Variants in NAV1 observed in about 807,000 individuals in gnomAD.
The protein encoded by NAV1 is pore membrane and/or filament interacting like protein 3.
Under a neutral mutation model 175.2 loss-of-function variants are expected in NAV1, and 18 were observed. The ratio of observed to expected loss-of-function variants is 0.10; its 90% CI spans 0.07 to 0.15. NAV1 has a LOEUF of 0.15. Ranked by LOEUF, NAV1 falls within the 10% of genes least tolerant of loss-of-function variation. The pLI, the probability that NAV1 is intolerant of heterozygous loss-of-function variation, is 1.00. For missense variants in NAV1, 1,731 were observed against 2,436.6 expected (o/e 0.71, Z 6.10); for synonymous variants, 897 against 978.7 (o/e 0.92, Z 1.56).
intron 1 of NAV1, among the ~76,000 whole-genome samples, chr1:201,701,009 CAAA>C (rs386369321): frequency 9.5e-5 from 5 of 52,764 alleles, no homozygotes; most frequent in African/African-American, 1.8e-4. Flanking sequence ...GACTCTGTCT[CAAA>C]AAAAAAAAAA....
At chr1:201,752,141 C>A (rs563061979) in intron 3 of NAV1, among the ~76,000 whole-genome samples, 1 of 152,254 alleles carries the variant, frequency 6.6e-6, no homozygotes, top group East Asian at 1.9e-4. Context: ...CAAGAGTAAG[C>A]AGTCCATGAA....
At chr1:201,764,569 TG>T (rs1334956374) in intron 3 of NAV1, among the ~76,000 whole-genome samples, 1 of 152,170 alleles carries the variant, frequency 6.6e-6, no homozygotes, top group African/African-American at 2.4e-5. Flanking sequence ...ATACAGTCAC[TG>T]GGAGTTACAG....
chr1:201,578,580 T>C (rs1181530964), intron 1 of NAV1, among the ~76,000 whole-genome samples: 2 of 152,122 alleles, frequency 1.3e-5, no homozygotes, highest in Admixed American at 1.3e-4. Context: ...TGATAATGAA[T>C]GGCCTCATTA....
At chr1:201,676,309 G>A (rs1420408964) in intron 1 of NAV1, among the ~76,000 whole-genome samples, 1 of 152,204 alleles carries the variant, frequency 6.6e-6, no homozygotes, top group Non-Finnish European at 1.5e-5. Context: ...CTTCCTGAAA[G>A]CTGCACTTAT....
At position 201,750,224 on chromosome 1, in the gene NAV1, A is replaced by G. The variant is rs751870794; in HGVS notation, c.1227-30197A>G. Among the ~76,000 whole-genome samples, 5 of 152,322 alleles carry G rather than the reference A, an allele frequency of 3.3e-5. No individual in the cohort carries two copies. Among genetic ancestry groups the G allele is most frequent in the Admixed American group, 3.3e-4 (5 of 15,302 alleles). On this transcript the variant is annotated intron_variant, in intron 3 of 29. Coordinates refer to ENST00000367296, the Ensembl canonical transcript of NAV1. The surrounding 1 kb of genome is among the most constrained non-coding windows in gnomAD (Gnocchi z 4.1). Reference sequence around the variant, plus strand: ...AGACCTACCGCTGCAAGGATTTTACATGTAATGAGTGCCTAAGGAAGGTAT... The same window carrying G: ...AGACCTACCGCTGCAAGGATTTTACGTGTAATGAGTGCCTAAGGAAGGTAT...
intron 3 of NAV1, among the ~76,000 whole-genome samples, chr1:201,725,528 A>G (rs1386287482): frequency 6.6e-6 from 1 of 152,136 alleles, no homozygotes; most frequent in Non-Finnish European, 1.5e-5. Flanking sequence ...GATAGTCTCA[A>G]CTACCTGGGA....
intron 1 of NAV1, among the ~76,000 whole-genome samples, chr1:201,658,846 G>C (rs991404467): frequency 6.6e-6 from 1 of 152,220 alleles, no homozygotes; most frequent in Non-Finnish European, 1.5e-5. Flanking sequence ...GATGGATGGA[G>C]GGAGAGGACT....
intron 15 of NAV1, among the ~76,000 whole-genome samples, chr1:201,800,439 G>A (rs1677778070): frequency 6.6e-6 from 1 of 152,216 alleles, no homozygotes; most frequent in Admixed American, 6.5e-5. Context: ...CACTCTGTTT[G>A]TAAATAAAGT....
chr1:201,783,574 C>T, exon 7 of NAV1: 1 of 1,614,134 alleles, frequency 6.2e-7, no homozygotes, highest in Non-Finnish European at 8.5e-7. Context: ...CCTGCTTCAC[C>T]CCCAGTCCGG....
At chr1:201,593,288 A>G (rs1032294055) in intron 2 of NAV1, among the ~76,000 whole-genome samples, 7 of 152,174 alleles carry the variant, frequency 4.6e-5, no homozygotes, top group African/African-American at 1.4e-4. Context: ...CCTGTCAGCA[A>G]GTGGGGCTAC....
At chr1:201,579,573 C>G (rs548685845) in intron 1 of NAV1, among the ~76,000 whole-genome samples, 123 of 152,296 alleles carry the variant, frequency 8.1e-4, no homozygotes, top group African/African-American at 2.9e-3. Flanking sequence ...CCAGGCTGGT[C>G]TTGAGCTCCT....
chr1:201,818,452 C>T (rs1410266417), intron 29 of NAV1, among the ~76,000 whole-genome samples: 2 of 150,594 alleles, frequency 1.3e-5, no homozygotes, highest in African/African-American at 2.5e-5. Flanking sequence ...CACTTGGACC[C>T]GGGAGGTGGA....
chr1:201,684,755 G>A (rs1177003037), intron 1 of NAV1, among the ~76,000 whole-genome samples: 8 of 151,882 alleles, frequency 5.3e-5, no homozygotes, highest in Admixed American at 3.3e-4. Context: ...GATTACAGGC[G>A]TGAGCCACTG....
At chr1:201,634,434 C>T (rs746045361) in intron 2 of NAV1, among the ~76,000 whole-genome samples, 7 of 152,252 alleles carry the variant, frequency 4.6e-5, no homozygotes, top group South Asian at 4.2e-4. Flanking sequence ...CTTAACCATA[C>T]GTTCTATGAC....
At position 201,568,279 on chromosome 1, in the gene NAV1, C is replaced by G. The variant is rs115321988; in HGVS notation, c.-143-20260C>G. On this transcript the variant is annotated intron_variant, in intron 1 of 33. Coordinates refer to the NAV1 transcript ENST00000685211. ...TCTTCTTGTCCCTAGCTGGCAGTTTCCTGTGGGTAGATCTGGGTTGCCAAT... is the reference window on the plus strand; with the variant it reads ...TCTTCTTGTCCCTAGCTGGCAGTTTGCTGTGGGTAGATCTGGGTTGCCAAT... 3.7e-3 allele frequency among the ~76,000 whole-genome samples: 564 copies of G among 152,286 alleles called. 1 individual carries two copies. Among genetic ancestry groups the G allele is most frequent in the Admixed American group, 6.1e-3 (94 of 15,294 alleles).
At position 201,794,188 on chromosome 1, in the gene NAV1, G is replaced by C. The variant is rs541750800; in HGVS notation, c.3406-278G>C. ...TTTTTTGAGATGGAGTTTCGTTCTT[G>C]TCACCCAGGCTGGAGTGCACTGGCG... On this transcript the variant is annotated intron_variant, in intron 14 of 29. Coordinates refer to ENST00000367296, the Ensembl canonical transcript of NAV1. 2.0e-5 allele frequency: 13 copies of C among 639,694 alleles called. No individual in the cohort carries two copies. In the African/African-American group the frequency reaches 2.3e-4, roughly 11 times the overall value. 39.6% of individuals were successfully genotyped at this position (639,694 alleles called of 1,614,324 possible). A position where few individuals can be genotyped will look rare whatever the true frequency, so the allele number is the denominator to read the frequency against.
At chr1:201,639,450 T>G (rs1668690832) in intron 2 of NAV1, among the ~76,000 whole-genome samples, 1 of 152,180 alleles carries the variant, frequency 6.6e-6, no homozygotes, top group Non-Finnish European at 1.5e-5. Context: ...CCGTGCCTTG[T>G]TGTGCACTGC....
At chr1:201,781,978 C>T (rs770937708) in intron 5 of NAV1, among the ~76,000 whole-genome samples, 198 bp from the exon 10 acceptor site, 1 of 152,072 alleles carries the variant, frequency 6.6e-6, no homozygotes, top group African/African-American at 2.4e-5. Context: ...AATTCCTAGC[C>T]TCCCCACCCC....
chr1:201,774,210 G>C (rs1021133432), intron 3 of NAV1, among the ~76,000 whole-genome samples: 5 of 152,316 alleles, frequency 3.3e-5, no homozygotes, highest in African/African-American at 1.2e-4. Context: ...CCAGCTTAGA[G>C]TGAGCAAAGA....
Sources: gnomAD v4.1 joint callset for allele counts (sites outside exome capture counted in the v4.1 genomes callset) on GRCh38, gnomAD v4.1.1 for gene constraint, Gnocchi (gnomAD v3.1) non-coding constraint, MANE v1.5 for transcripts, NCBI Gene and HGNC (gene_info 2026-07-23, HGNC 2026-07-21) for gene names.